The following BTBD9 variants were observed in gnomAD, a reference collection of about 807,000 sequenced individuals.
The protein encoded by BTBD9 is BTB/POZ domain-containing protein 9.
Under a neutral mutation model 64.3 loss-of-function variants are expected in BTBD9, and 49 were observed. The observed-to-expected ratio is 0.76, with a 90% CI of 0.61 to 0.97. The LOEUF (loss-of-function observed/expected upper bound fraction) is 0.97, where lower values mean the gene tolerates loss of function less well. Among genes scored for constraint, BTBD9 ranks in the 50% least tolerant of loss-of-function variants. The probability of loss-of-function intolerance (pLI) is 0.00; values close to 1 mark genes in which losing one functional copy is unlikely to be tolerated. For synonymous variants in BTBD9, 260 were observed against 274.7 expected, an observed-to-expected ratio of 0.95 and a Z score of 0.53; for missense variants, 598 against 762.1, an observed-to-expected ratio of 0.78 and a Z score of 2.53.
intron 7 of BTBD9, among the ~76,000 whole-genome samples, chr6:38,334,536 T>C (rs1362408748): frequency 6.6e-6 from 1 of 151,812 alleles, no homozygotes; most frequent in Non-Finnish European, 1.5e-5. Context: ...ACCACTGCAC[T>C]CCAGCCTGGG....
rs750501200 is a variant in BTBD9 at position 38,184,162 on chromosome 6, C to T, written c.1641+8357G>A. On this transcript the variant is annotated intron_variant, in intron 10 of 10. Coordinates refer to ENST00000481247, the MANE Select transcript of BTBD9 (RefSeq NM_001099272.2). This position sits in a 1 kb window ranked among gnomAD's most constrained non-coding sequence, Gnocchi z 4.4. ...TACCCATCCTCTGTGGATGGACGCT[C>T]GTGGTATCCCGTTGGGTTCAGGATG... Among the ~76,000 whole-genome samples the T allele has an allele frequency of 1.8e-4, 27 of 152,166 alleles. No homozygotes were observed. Among genetic ancestry groups the T allele is most frequent in the Admixed American group, 4.6e-4 (7 of 15,278 alleles).
chr6:38,587,346 T>C, intron 4 of BTBD9: 1 of 456,556 alleles, frequency 2.2e-6, no homozygotes, highest in Non-Finnish European at 4.4e-6. Flanking sequence ...TGGACCTAAG[T>C]GGGAAGGTAA....
chr6:38,242,630 C>A (rs1764032559), intron 9 of BTBD9, among the ~76,000 whole-genome samples: 1 of 152,204 alleles, frequency 6.6e-6, no homozygotes, highest in Admixed American at 6.5e-5. Flanking sequence ...TTCTGTATAA[C>A]CTGTAAGTTC....
At chr6:38,180,431 G>A (rs1761499758) in intron 10 of BTBD9, among the ~76,000 whole-genome samples, 1 of 152,176 alleles carries the variant, frequency 6.6e-6, no homozygotes, top group African/African-American at 2.4e-5. Flanking sequence ...TGCCATGGTA[G>A]GGGGGAAATC....
intron 2 of BTBD9, among the ~76,000 whole-genome samples, chr6:38,597,620 G>A (rs1392909841): frequency 6.6e-6 from 1 of 152,096 alleles, no homozygotes; most frequent in African/African-American, 2.4e-5. Context: ...GAGACAGTGA[G>A]GGCAACGAAG....
chr6:38,269,476 C>A (rs1388265064), intron 8 of BTBD9, among the ~76,000 whole-genome samples: 1 of 152,116 alleles, frequency 6.6e-6, no homozygotes, highest in African/African-American at 2.4e-5. Context: ...GCTGGGATCA[C>A]AAGTTTTAAT....
At chr6:38,202,085 G>GTTTTTTT (rs147043026) in intron 9 of BTBD9, among the ~76,000 whole-genome samples, 2 of 120,610 alleles carry the variant, frequency 1.7e-5, no homozygotes, top group Non-Finnish European at 3.3e-5. Context: ...CGTTTTTTTT[G>GTTTTTTT]TTTTTTTTTT....
At chr6:38,507,983 G>A (rs1477278945) in intron 6 of BTBD9, among the ~76,000 whole-genome samples, 9 of 151,776 alleles carry the variant, frequency 5.9e-5, no homozygotes, top group Admixed American at 3.3e-4. Context: ...ATAGGCACCC[G>A]CCACCACACC....
At chr6:38,473,503 G>A (rs907503641) in intron 6 of BTBD9, among the ~76,000 whole-genome samples, 6 of 151,960 alleles carry the variant, frequency 3.9e-5, no homozygotes, top group Non-Finnish European at 7.4e-5. Flanking sequence ...TCTACCAACC[G>A]TCTACATTAA....
chr6:38,194,869 G>A (rs898385681), intron 9 of BTBD9, among the ~76,000 whole-genome samples: 1 of 152,242 alleles, frequency 6.6e-6, no homozygotes, highest in Non-Finnish European at 1.5e-5. Flanking sequence ...AGGCAGGGGA[G>A]GCAGGGCTGG....
intron 10 of BTBD9, among the ~76,000 whole-genome samples, chr6:38,183,104 T>C (rs932767928): frequency 2.6e-5 from 4 of 151,976 alleles, no homozygotes; most frequent in South Asian, 2.1e-4. Flanking sequence ...CTCAGCCTCC[T>C]GAGTAGCTGG....
intron 6 of BTBD9, among the ~76,000 whole-genome samples, chr6:38,532,677 C>G (rs909388463): frequency 2.8e-4 from 43 of 152,050 alleles, no homozygotes; most frequent in Admixed American, 2.6e-3. Context: ...TAGATGTACC[C>G]TGGCCAGGAA....
At position 38,312,113 on chromosome 6, in the gene BTBD9, G is replaced by A. The variant is rs560802203; in HGVS notation, c.1265-23652C>T. 9.2e-5 allele frequency among the ~76,000 whole-genome samples: 14 copies of A among 151,934 alleles called. No individual in the cohort carries two copies. The East Asian group carries it at 2.7e-3, about 30-fold the overall frequency. On this transcript the variant is annotated intron_variant, in intron 7 of 10. Coordinates refer to ENST00000481247, the MANE Select transcript of BTBD9 (RefSeq NM_001099272.2). The stretch of plus-strand genomic sequence containing the variant: ...TGACTTCAGGTGATCCACCCGCCTC[G>A]GCCTCCCAAAGTGCTGGGATTACAG...
intron 8 of BTBD9, among the ~76,000 whole-genome samples, chr6:38,285,659 G>A (rs905895428): frequency 3.3e-5 from 5 of 152,084 alleles, no homozygotes; most frequent in Non-Finnish European, 5.9e-5. Flanking sequence ...AGAAATGTCA[G>A]AACAAACATA....
intron 6 of BTBD9, among the ~76,000 whole-genome samples, chr6:38,403,548 G>A (rs963687460): frequency 2.0e-5 from 3 of 152,136 alleles, no homozygotes; most frequent in African/African-American, 7.2e-5. Flanking sequence ...CACAAGGATG[G>A]CTATAATCAA....
chr6:38,314,067 G>C (rs746528753), intron 7 of BTBD9, among the ~76,000 whole-genome samples: 9 of 151,398 alleles, frequency 5.9e-5, no homozygotes, highest in Non-Finnish European at 1.2e-4. Context: ...GATGTTGCTA[G>C]TATTTTGTAT....
rs1766656643 is a variant in BTBD9, at chr6:38,169,468, C to G, written c.*5517G>C. The G allele has an allele frequency of 9.6e-6, 1 of 103,996 alleles. No individual in the cohort carries two copies. The highest frequency in any genetic ancestry group is 9.8e-5 in the Admixed American group (1 of 10,160). The allele number at this position is 103,996 out of a possible 1,614,324, so 6.4% of individuals were successfully genotyped here. A position where few individuals can be genotyped will look rare whatever the true frequency, so the allele number is the denominator to read the frequency against. On this transcript the variant is annotated 3_prime_UTR_variant, in exon 11 of 11. Coordinates refer to ENST00000481247, the MANE Select transcript of BTBD9 (RefSeq NM_001099272.2). ...CCCCTGGGGCTCATGTGGTGGGGAG[C>G]AATTTGGCAGCAGACGGACTAATAT...
chr6:38,247,936 A>C (rs1318170807), intron 9 of BTBD9, among the ~76,000 whole-genome samples: 1 of 152,254 alleles, frequency 6.6e-6, no homozygotes, highest in African/African-American at 2.4e-5. Context: ...AGCAAAAAAA[A>C]AATTTTTTTT....
At position 38,361,514 on chromosome 6, in the gene BTBD9, G is replaced by A. The variant is rs183638517; in HGVS notation, c.1155-16421C>T. Among the ~76,000 whole-genome samples, 14 of 152,028 alleles carry A rather than the reference G, an allele frequency of 9.2e-5. No homozygotes were observed. The East Asian group carries it at 2.1e-3, about 23-fold the overall frequency. On this transcript the variant is annotated intron_variant, in intron 6 of 10. Coordinates refer to ENST00000481247, the MANE Select transcript of BTBD9 (RefSeq NM_001099272.2). ...GCTGTGATCATGCCACGGCGCTCCA[G>A]CCTGGGTAACAGAACGAGACCCTGT... is the stretch of plus-strand genomic sequence containing the variant.
Sources: gnomAD v4.1 joint callset for allele counts (sites outside exome capture counted in the v4.1 genomes callset) on GRCh38, gnomAD v4.1.1 for gene constraint, Gnocchi (gnomAD v3.1) non-coding constraint, MANE v1.5 for transcripts, NCBI Gene and HGNC (gene_info 2026-07-23, HGNC 2026-07-21) for gene names.